UBOX5: variants seen among roughly 807,000 people sequenced by gnomAD.
UBOX5 encodes RING finger protein 37.
UBOX5 carries 28 observed loss-of-function variants against 39.0 expected under a neutral mutation model. The observed-to-expected ratio is 0.72, with a 90% CI of 0.53 to 0.98. The LOEUF (loss-of-function observed/expected upper bound fraction) is 0.98, where lower values mean the gene tolerates loss of function less well. UBOX5 is among the 50% of genes least tolerant of loss of function. The pLI is 0.00. For synonymous variants in UBOX5, 283 were observed against 275.5 expected (o/e 1.03, Z -0.27); for missense variants, 585 against 674.4 (o/e 0.87, Z 1.47).
chr20:3,117,658 C>T (rs2422848), intron 3 of UBOX5, among the ~76,000 whole-genome samples: 112,868 of 151,720 alleles, frequency 0.74, 43,416 homozygotes, highest in East Asian at 0.99. Context: ...CACTCCAGCC[C>T]GGGCGACAGA....
Position 3,115,392 on chromosome 20 carries a change from A to G in UBOX5, c.1330T>C (p.Ser444Pro). ...ALASTLGSMP[S>P]FTARLTRGQL... ...CCCCTGGTCAGCCGTGCCGTGAAGG[A>G]GGGCATAGAGCCAAGGGTGGATGCC... The change falls in exon 4 of 5, where the codon TCC (serine) becomes CCC (proline). Residue 444 changes from serine (S) to proline (P), a missense_variant. Ser to Pro is a moderately conservative substitution (Grantham distance 74). Coordinates refer to ENST00000217173, the MANE Select transcript of UBOX5 (RefSeq NM_014948.4). The G allele has an allele frequency of 6.2e-7, 1 of 1,614,188 alleles. No individual in the cohort carries two copies. The highest frequency in any genetic ancestry group is 8.5e-7 in the Non-Finnish European group (1 of 1,180,022).
chr20:3,155,052 C>CA (rs11326176), intron 1 of UBOX5, among the ~76,000 whole-genome samples: 1,235 of 95,990 alleles, frequency 0.013, 10 homozygotes, highest in South Asian at 0.042. Flanking sequence ...GACACAGTCT[C>CA]AAAAAAAAAA....
At chr20:3,138,312 C>G (rs915955819) in intron 1 of UBOX5, among the ~76,000 whole-genome samples, 2 of 151,426 alleles carry the variant, frequency 1.3e-5, no homozygotes, top group East Asian at 1.9e-4. Context: ...GTATTATGAT[C>G]ATACATTTGT....
chr20:3,131,226 C>T (rs1271373599), intron 1 of UBOX5, among the ~76,000 whole-genome samples: 1 of 145,678 alleles, frequency 6.9e-6, no homozygotes, highest in Non-Finnish European at 1.5e-5. Flanking sequence ...GAGACTCCAT[C>T]TCAAAAAAAA....
At chr20:3,148,729 G>A (rs1357933686) in intron 1 of UBOX5, 1 of 1,614,226 alleles carries the variant, frequency 6.2e-7, no homozygotes. Flanking sequence ...AAACTCGCAT[G>A]TTTTCAAAGG....
At chr20:3,128,611 G>A (rs546353398) in intron 1 of UBOX5, among the ~76,000 whole-genome samples, 2 of 152,162 alleles carry the variant, frequency 1.3e-5, no homozygotes, top group South Asian at 2.1e-4. Context: ...CCTATAATCC[G>A]AACACTTTAG....
At chr20:3,140,976 TG>T (rs1443500654) in intron 1 of UBOX5, among the ~76,000 whole-genome samples, 1 of 149,050 alleles carries the variant, frequency 6.7e-6, no homozygotes, top group Middle Eastern at 3.2e-3. Flanking sequence ...TTGAGTGCAG[TG>T]GCACAATCTC....
intron 1 of UBOX5, among the ~76,000 whole-genome samples, chr20:3,140,302 G>A (rs866632774): frequency 2.6e-5 from 4 of 152,038 alleles, no homozygotes; most frequent in African/African-American, 4.8e-5. Flanking sequence ...GATTACAGGC[G>A]TTGAGTGAGC....
chr20:3,116,896 G>C (rs183825039), intron 3 of UBOX5, among the ~76,000 whole-genome samples: 1 of 152,224 alleles, frequency 6.6e-6, no homozygotes, highest in Admixed American at 6.5e-5. Context: ...AGGAGTTCAA[G>C]ACCAGCCTGG....
chr20:3,112,964 T>C (rs1219902187), intron 4 of UBOX5, among the ~76,000 whole-genome samples: 4 of 144,796 alleles, frequency 2.8e-5, no homozygotes, highest in Non-Finnish European at 4.5e-5. Flanking sequence ...AGACTCCATC[T>C]CAAAAAGAAA....
chr20:3,133,843 C>G (rs1046433916), intron 1 of UBOX5, among the ~76,000 whole-genome samples: 1 of 151,806 alleles, frequency 6.6e-6, no homozygotes, highest in African/African-American at 2.4e-5. Context: ...ACTTCCAGGG[C>G]TCTGGTGATG....
intron 1 of UBOX5, chr20:3,147,828 C>T: frequency 6.2e-7 from 1 of 1,614,198 alleles, no homozygotes; most frequent in Non-Finnish European, 8.5e-7. Flanking sequence ...AAAGACGCAG[C>T]CACTGCATTC....
At position 3,115,965 on chromosome 20, in the gene UBOX5, T is replaced by C. The variant is rs566788307; in HGVS notation, c.1256-499A>G. Among the ~76,000 whole-genome samples the C allele has an allele frequency of 3.3e-5, 5 of 152,174 alleles. No individual in the cohort carries two copies. In the East Asian group the frequency reaches 9.7e-4, roughly 29 times the overall value. ...TTTTAGTAGAGACGGGGTTTCACCA[T>C]GTTGGCTAGGAGATCTCCTGACCTC... On this transcript the variant is annotated intron_variant, in intron 3 of 4. Coordinates refer to ENST00000217173, the MANE Select transcript of UBOX5 (RefSeq NM_014948.4).
intron 1 of UBOX5, among the ~76,000 whole-genome samples, chr20:3,139,628 G>C (rs2066499685): frequency 6.6e-6 from 1 of 151,886 alleles, no homozygotes. Context: ...CTGACAGCCT[G>C]GTCTTAAACT....
chr20:3,142,795 A>G (rs1449770063), intron 1 of UBOX5, among the ~76,000 whole-genome samples: 1 of 150,754 alleles, frequency 6.6e-6, no homozygotes, highest in Non-Finnish European at 1.5e-5. Flanking sequence ...AAAAAAAAGA[A>G]AAGTATGTGT....
chr20:3,126,082 T>C (rs2066385845), intron 1 of UBOX5, among the ~76,000 whole-genome samples: 1 of 152,108 alleles, frequency 6.6e-6, no homozygotes, highest in Non-Finnish European at 1.5e-5. Context: ...AAGGGAAATG[T>C]GGGGAAAAGA....
intron 4 of UBOX5, among the ~76,000 whole-genome samples, chr20:3,113,934 A>G (rs1203850815): frequency 6.6e-6 from 1 of 152,012 alleles, no homozygotes; most frequent in Non-Finnish European, 1.5e-5. Flanking sequence ...AGGAGTTCAA[A>G]ACCAGCCTGG....
chr20:3,147,302 A>C, intron 1 of UBOX5: 1 of 1,614,220 alleles, frequency 6.2e-7, no homozygotes, highest in Non-Finnish European at 8.5e-7. Context: ...CTGGACCTCT[A>C]AGTCAGAAGA....
intron 1 of UBOX5, among the ~76,000 whole-genome samples, chr20:3,146,234 G>A (rs1257882970): frequency 3.3e-5 from 5 of 151,742 alleles, no homozygotes; most frequent in Non-Finnish European, 5.9e-5. Flanking sequence ...TCAGCTACTC[G>A]GGAGGATGAG....
Sources: allele counts gnomAD v4.1 joint callset (sites outside exome capture counted in the v4.1 genomes callset), GRCh38; gene constraint gnomAD v4.1.1; transcripts MANE v1.5; gene names NCBI Gene and HGNC (gene_info 2026-07-23, HGNC 2026-07-21).